The following ST18 variants were observed in gnomAD, a reference collection of about 807,000 sequenced individuals.
ST18 encodes suppression of tumorigenicity 18 protein.
A neutral mutation model predicts 110.0 loss-of-function variants in ST18; 50 were observed. The observed-to-expected ratio is 0.45, with a 90% CI of 0.36 to 0.58. The LOEUF (loss-of-function observed/expected upper bound fraction) is 0.58, where lower values mean the gene tolerates loss of function less well. Among genes scored for constraint, ST18 ranks in the 20% least tolerant of loss-of-function variants. The pLI is 0.00. For missense variants in ST18, 1,306 were observed against 1,280.1 expected (o/e 1.02, Z -0.31); for synonymous variants, 461 against 452.4 (o/e 1.02, Z -0.24).
At chr8:52,301,839 C>A (rs2095728016) in intron 2 of ST18, 1 of 152,144 alleles carries the variant, frequency 6.6e-6, no homozygotes, top group African/African-American at 2.4e-5. Context: ...TCATTTCTTT[C>A]CTTCCTTCCA....
At chr8:52,346,515 A>G (rs1817863597) in intron 2 of ST18, among the ~76,000 whole-genome samples, 1 of 152,180 alleles carries the variant, frequency 6.6e-6, no homozygotes, top group Non-Finnish European at 1.5e-5. Flanking sequence ...CAGCTCAATA[A>G]ATAAACAATG....
chr8:52,134,956 T>C (rs2051383033), intron 19 of ST18, among the ~76,000 whole-genome samples: 1 of 152,220 alleles, frequency 6.6e-6, no homozygotes, highest in Non-Finnish European at 1.5e-5. Flanking sequence ...ACATTACTTA[T>C]TAGATAGCTG....
At chr8:52,330,344 A>C (rs190170007) in intron 2 of ST18, among the ~76,000 whole-genome samples, 1 of 152,316 alleles carries the variant, frequency 6.6e-6, no homozygotes, top group East Asian at 1.9e-4. Context: ...ATTAATTAAT[A>C]CTAGGAAATC....
chr8:52,263,386 A>G (rs1036265717), intron 2 of ST18, among the ~76,000 whole-genome samples: 1 of 152,178 alleles, frequency 6.6e-6, no homozygotes, highest in African/African-American at 2.4e-5. Flanking sequence ...AAGTTATCAA[A>G]TGCAAGTGCT....
rs371404892 is a variant in ST18 at position 52,261,124 on chromosome 8, G to A, written c.-464-31047C>T. Among the ~76,000 whole-genome samples the A allele has an allele frequency of 6.6e-5, 10 of 152,192 alleles. No homozygotes were observed. In the East Asian group the frequency reaches 1.5e-3, roughly 23 times the overall value. On this transcript the variant is annotated intron_variant, in intron 2 of 25. Transcript: ENST00000689386. Reference sequence around the variant, plus strand: ...TGATATGCCGTGCTGATGCTCAGCTGCTGACACTGACGGCTAAAGAGGGAA... The same window carrying A: ...TGATATGCCGTGCTGATGCTCAGCTACTGACACTGACGGCTAAAGAGGGAA...
chr8:52,315,266 A>C (rs374921274), intron 2 of ST18, among the ~76,000 whole-genome samples: 27 of 152,326 alleles, frequency 1.8e-4, no homozygotes, highest in African/African-American at 5.8e-4. Context: ...CTGATGTGGT[A>C]TAAAATAGAA....
intron 2 of ST18, among the ~76,000 whole-genome samples, chr8:52,256,394 C>T (rs938945241): frequency 6.6e-6 from 1 of 152,108 alleles, no homozygotes; most frequent in African/African-American, 2.4e-5. Context: ...GAAGGGTCTC[C>T]CTCTGTCACA....
In ST18 at chr8:52,268,214, C is replaced by A. The variant is rs533037302; in HGVS notation, c.-464-38137G>T. On this transcript the variant is annotated intron_variant, in intron 2 of 25. Coordinates refer to ENST00000689386, the MANE Select transcript of ST18 (RefSeq NM_001352837.2). ...ATGAAGACAGCAATCACAGCCTTCC[C>A]AGGTCTTCTCCTATTCAAAGAGTTG... Among the ~76,000 whole-genome samples the A allele has an allele frequency of 2.6e-5, 4 of 152,306 alleles. No individual in the cohort carries two copies. The South Asian group carries it at 8.3e-4, about 32-fold the overall frequency.
At chr8:52,328,574 A>ACATAAGCT (rs1807581493) in intron 2 of ST18, among the ~76,000 whole-genome samples, 1 of 152,212 alleles carries the variant, frequency 6.6e-6, no homozygotes, top group South Asian at 2.1e-4. Context: ...TTTAATGACA[A>ACATAAGCT]CATAAGCTCC....
At chr8:52,164,194 A>G in intron 12 of ST18, 104 bp from the exon 13 acceptor site, 1 of 948,782 alleles carries the variant, frequency 1.1e-6, no homozygotes, top group Non-Finnish European at 1.7e-6. Flanking sequence ...ATGTTAAGTC[A>G]TATTAATAGT....
intron 2 of ST18, among the ~76,000 whole-genome samples, chr8:52,245,370 T>C (rs1469479698): frequency 6.6e-6 from 1 of 152,132 alleles, no homozygotes; most frequent in Non-Finnish European, 1.5e-5. Context: ...TAAGTAAGGG[T>C]AACTAAGTTT....
rs150998970 is a variant in ST18 at position 52,172,327 on chromosome 8, C to T, written c.534G>A (p.Lys178=). Reference sequence around the variant, plus strand: ...AGAAGGGTGGCTGAGAATCATCAATCTTGTCTCTTCCATCATCAGAATGAA... The same window carrying T: ...AGAAGGGTGGCTGAGAATCATCAATTTTGTCTCTTCCATCATCAGAATGAA... ...FLIHSDDGRD[K]IDDSQPPFCS... is the part of the protein sequence containing the mutation. The change falls in exon 10 of 26, where the codon AAG becomes AAA. Residue 178 remains lysine, a synonymous_variant. Transcript: ENST00000689386. 7 of 1,614,064 alleles carry T rather than the reference C, an allele frequency of 4.3e-6. No individual in the cohort carries two copies. The highest frequency in any genetic ancestry group is 5.9e-6 in the Non-Finnish European group (7 of 1,180,040).
At position 52,295,645 on chromosome 8, in the gene ST18, C is replaced by T. The variant is rs79985365; in HGVS notation, c.-464-65568G>A. ...TTAGTACCTCTTTAGTAAGGTCAAACACTGAAAAGTAAAGGGGTTTCGGGA... is the reference window on the plus strand; with the variant it reads ...TTAGTACCTCTTTAGTAAGGTCAAATACTGAAAAGTAAAGGGGTTTCGGGA... On this transcript the variant is annotated intron_variant, in intron 2 of 25. Transcript: ENST00000689386. 5.4e-3 allele frequency among the ~76,000 whole-genome samples: 811 copies of T among 150,650 alleles called. 7 individuals carry two copies. Among genetic ancestry groups the T allele is most frequent in the African/African-American group, 0.019 (767 of 40,990 alleles).
intron 2 of ST18, among the ~76,000 whole-genome samples, chr8:52,324,457 C>T (rs550129396): frequency 6.6e-6 from 1 of 152,172 alleles, no homozygotes; most frequent in South Asian, 2.1e-4. Flanking sequence ...TAAGGTTTCA[C>T]AGAGGAGGGG....
At chr8:52,188,227 C>T (rs1300561024) in intron 8 of ST18, among the ~76,000 whole-genome samples, 5 of 151,898 alleles carry the variant, frequency 3.3e-5, no homozygotes, top group South Asian at 2.1e-4. Context: ...AGCAGAGAAG[C>T]GAAACAGGAA....
intron 8 of ST18, among the ~76,000 whole-genome samples, chr8:52,197,494 C>G (rs2076528539): frequency 6.6e-6 from 1 of 152,164 alleles, no homozygotes; most frequent in African/African-American, 2.4e-5. Context: ...CCCAGAAGCA[C>G]TCAAACCAGG....
chr8:52,118,590 G>A lies in ST18; in HGVS notation c.2756-149C>T, dbSNP rs1036814817. ...GCATATCTAGGATTCTGAAAAAGTG[G>A]ATAAGAGAAGTTACAGATTTAATTT... On this transcript the variant is annotated intron_variant, in intron 23 of 25. Transcript: ENST00000689386. 16 of 508,942 alleles carry A rather than the reference G, an allele frequency of 3.1e-5. No individual in the cohort carries two copies. The African/African-American group carries it at 3.2e-4, about 10-fold the overall frequency. 31.5% of individuals were successfully genotyped at this position (508,942 alleles called of 1,614,324 possible). A position where few individuals can be genotyped will look rare whatever the true frequency, so the allele number is the denominator to read the frequency against.
At chr8:52,363,701 A>G (rs537738265) in intron 2 of ST18, among the ~76,000 whole-genome samples, 103 of 152,162 alleles carry the variant, frequency 6.8e-4, no homozygotes, top group African/African-American at 2.3e-3. Context: ...CAGACCCTCA[A>G]TTTTGTTTTA....
intron 8 of ST18, among the ~76,000 whole-genome samples, chr8:52,200,854 A>G (rs1290081729): frequency 3.9e-5 from 6 of 152,240 alleles, no homozygotes; most frequent in Non-Finnish European, 8.8e-5. Flanking sequence ...GCAGGTGGGT[A>G]TATCAATTCA....
Sources: gnomAD v4.1 joint callset for allele counts (sites outside exome capture counted in the v4.1 genomes callset) on GRCh38, gnomAD v4.1.1 for gene constraint, MANE v1.5 for transcripts, NCBI Gene and HGNC (gene_info 2026-07-23, HGNC 2026-07-21) for gene names.